Variants in PLCB1 observed in about 807,000 individuals in gnomAD.
PLCB1 encodes the protein 1-phosphatidylinositol 4,5-bisphosphate phosphodiesterase beta-1.
Under a neutral mutation model 161.8 loss-of-function variants are expected in PLCB1, and 46 were observed. The observed-to-expected ratio is 0.28, with a 90% CI of 0.22 to 0.36. PLCB1 has a LOEUF of 0.36. Ranked by LOEUF, PLCB1 falls within the 10% of genes least tolerant of loss-of-function variation. The pLI, the probability that PLCB1 is intolerant of heterozygous loss-of-function variation, is 1.00. For synonymous variants in PLCB1, 517 were observed against 503.7 expected, an observed-to-expected ratio of 1.03 and a Z score of -0.35; for missense variants, 1,016 against 1,472.5, an observed-to-expected ratio of 0.69 and a Z score of 5.07.
chr20:8,648,942 A>C (rs1360475235), intron 6 of PLCB1, among the ~76,000 whole-genome samples: 1 of 71,738 alleles, frequency 1.4e-5, no homozygotes, highest in South Asian at 3.7e-4. Context: ...CCCTGTCTCT[A>C]AAAAAAAAAA....
intron 3 of PLCB1, among the ~76,000 whole-genome samples, chr20:8,380,559 T>C (rs1987225460): frequency 6.6e-6 from 1 of 152,238 alleles, no homozygotes; most frequent in African/African-American, 2.4e-5. Flanking sequence ...TTTCATGATA[T>C]TGATTCTTCC....
chr20:8,816,579 A>G (rs567526605), intron 31 of PLCB1, among the ~76,000 whole-genome samples: 3 of 152,354 alleles, frequency 2.0e-5, no homozygotes, highest in Admixed American at 1.3e-4. Flanking sequence ...TACCATCTAT[A>G]TATTTTTCTA....
chr20:8,812,054 A>AT (rs146620674), intron 31 of PLCB1, among the ~76,000 whole-genome samples: 6,457 of 151,348 alleles, frequency 0.043, 447 homozygotes, highest in African/African-American at 0.15. Flanking sequence ...AGAGGAAGGT[A>AT]TTTTTTTTTC....
chr20:8,228,825 C>T (rs1318302341), intron 2 of PLCB1, among the ~76,000 whole-genome samples: 1 of 152,006 alleles, frequency 6.6e-6, no homozygotes, highest in Non-Finnish European at 1.5e-5. Context: ...AGTTTTGATA[C>T]ATGTCTAGTG....
At chr20:8,377,931 C>T (rs1413633921) in intron 3 of PLCB1, among the ~76,000 whole-genome samples, 3 of 151,980 alleles carry the variant, frequency 2.0e-5, no homozygotes, top group Non-Finnish European at 2.9e-5. Flanking sequence ...AGGCTCAAAT[C>T]CTGGGTGAGG....
At chr20:8,238,414 A>C (rs187223002) in intron 2 of PLCB1, among the ~76,000 whole-genome samples, 1 of 152,148 alleles carries the variant, frequency 6.6e-6, no homozygotes, top group Admixed American at 6.6e-5. Flanking sequence ...TTCCAAACCC[A>C]GGGGATGCTC....
At chr20:8,198,358 C>T (rs2052052066) in intron 2 of PLCB1, among the ~76,000 whole-genome samples, 1 of 152,068 alleles carries the variant, frequency 6.6e-6, no homozygotes, top group African/African-American at 2.4e-5. Context: ...TGTAGTTCTC[C>T]TTGAAGAAGT....
intron 3 of PLCB1, among the ~76,000 whole-genome samples, chr20:8,411,067 G>A (rs1979022828): frequency 6.6e-6 from 1 of 152,170 alleles, no homozygotes; most frequent in Non-Finnish European, 1.5e-5. Flanking sequence ...CAAGTATGTG[G>A]CAATTTGTTA....
rs1568558210 is a variant in PLCB1 at position 8,681,104 on chromosome 20, AT to A, written c.863-3827del. 7.5e-3 allele frequency among the ~76,000 whole-genome samples: 996 copies of A among 133,662 alleles called. 43 individuals are homozygous for A. The highest frequency in any genetic ancestry group is 0.026 in the African/African-American group (940 of 36,118). 87.7% of individuals were successfully genotyped at this position (133,662 alleles called of 152,430 possible). On this transcript the variant is annotated intron_variant, in intron 9 of 31. Transcript: ENST00000338037. ...TGTGTGTGTATATATATATATATAT[AT>A]ATATATATATATATAATATATATAA...
chr20:8,267,281 C>T (rs1982015196), intron 2 of PLCB1, among the ~76,000 whole-genome samples: 1 of 152,250 alleles, frequency 6.6e-6, no homozygotes, highest in Non-Finnish European at 1.5e-5. Context: ...TTTTATTAGC[C>T]CCCAACTGAG....
chr20:8,717,745 A>G lies in PLCB1; in HGVS notation c.1410A>G (p.Ser470=). The change falls in exon 14 of 32, where the codon TCA becomes TCG. Residue 470 remains serine, a synonymous_variant. Transcript: ENST00000338037. The stretch of plus-strand genomic sequence containing the variant: ...TTTTGGTGAAAAATAAGAAGAAATC[A>G]CACAAGTCATCAGAAGGAAGCGGCA... ...YKILVKNKKK[S]HKSSEGSGKK... 1 of 1,613,876 alleles carries G rather than the reference A, an allele frequency of 6.2e-7. No individual in the cohort carries two copies. The highest frequency in any genetic ancestry group is 8.5e-7 in the Non-Finnish European group (1 of 1,179,810).
chr20:8,441,752 G>A (rs898268087), intron 3 of PLCB1, among the ~76,000 whole-genome samples: 2 of 152,080 alleles, frequency 1.3e-5, no homozygotes, highest in African/African-American at 4.8e-5. Context: ...GGGGGAGAGG[G>A]CAGCATTCTC....
intron 2 of PLCB1, among the ~76,000 whole-genome samples, chr20:8,296,617 T>C (rs770794828): frequency 2.0e-5 from 3 of 152,212 alleles, no homozygotes; most frequent in Non-Finnish European, 2.9e-5. Context: ...ATGGAATGTG[T>C]ACATAGCCCT....
rs545948751 is a variant in PLCB1, at chr20:8,533,571, T to C, written c.247-94723T>C. Among the ~76,000 whole-genome samples the C allele has an allele frequency of 2.2e-3, 333 of 151,970 alleles. 2 individuals carry two copies. The highest frequency in any genetic ancestry group is 4.1e-3 in the Non-Finnish European group (279 of 67,956). On this transcript the variant is annotated intron_variant, in intron 3 of 31. Transcript: ENST00000338037. ...GATTGCCATTCTAACTGGTGTGAGA[T>C]GGTATCTCATTGTGGTTTTGATTTA... is the stretch of plus-strand genomic sequence containing the variant.
intron 3 of PLCB1, among the ~76,000 whole-genome samples, chr20:8,526,882 C>T (rs1476387175): frequency 6.6e-6 from 1 of 152,086 alleles, no homozygotes; most frequent in South Asian, 2.1e-4. Context: ...GCAATTACAT[C>T]AAGTCAGGTT....
intron 31 of PLCB1, among the ~76,000 whole-genome samples, chr20:8,860,320 AT>A (rs1987209567): frequency 6.6e-6 from 1 of 152,208 alleles, no homozygotes; most frequent in Non-Finnish European, 1.5e-5. Flanking sequence ...CAATAAGTTC[AT>A]TTCCATATGG....
chr20:8,711,432 T>A (rs1000908549), intron 12 of PLCB1, among the ~76,000 whole-genome samples: 5 of 152,210 alleles, frequency 3.3e-5, no homozygotes, highest in African/African-American at 1.2e-4. Flanking sequence ...CTAGTGCCAT[T>A]GTACTGCCCT....
At chr20:8,803,606 C>T (rs542992716) in intron 31 of PLCB1, among the ~76,000 whole-genome samples, 16 of 151,960 alleles carry the variant, frequency 1.1e-4, no homozygotes, top group African/African-American at 3.6e-4. Context: ...AGTAGAGGAC[C>T]GACATATAAT....
chr20:8,858,705 AG>A (rs1008567782), intron 31 of PLCB1, among the ~76,000 whole-genome samples: 1 of 152,154 alleles, frequency 6.6e-6, no homozygotes, highest in Non-Finnish European at 1.5e-5. Context: ...ATAGGGTCAT[AG>A]GAATATTTCA....
Sources: allele counts gnomAD v4.1 joint callset (sites outside exome capture counted in the v4.1 genomes callset), GRCh38; gene constraint gnomAD v4.1.1; transcripts MANE v1.5; gene names NCBI Gene and HGNC (gene_info 2026-07-23, HGNC 2026-07-21).